Variants in C1QTNF3 observed in about 807,000 individuals in gnomAD.
C1QTNF3 encodes the protein complement C1q tumor necrosis factor-related protein 3.
Under a neutral mutation model 32.6 loss-of-function variants are expected in C1QTNF3, and 26 were observed. The observed-to-expected ratio is 0.80, with a 90% CI of 0.58 to 1.11. C1QTNF3 has a LOEUF of 1.11. C1QTNF3 is among the 50% of genes least tolerant of loss of function. C1QTNF3 has a pLI of 0.00. For synonymous variants in C1QTNF3, 155 were observed against 146.0 expected (o/e 1.06, Z -0.44); for missense variants, 362 against 398.2 (o/e 0.91, Z 0.77).
the C1QTNF3 span, among the ~76,000 whole-genome samples, chr5:34,051,608 T>G: frequency 3.9e-5 from 6 of 152,250 alleles, no homozygotes; most frequent in African/African-American, 1.2e-4. Flanking sequence ...CTGAAGGATT[T>G]AGAGAGCTGG....
chr5:34,080,273 C>G, the C1QTNF3 span, among the ~76,000 whole-genome samples: 2 of 151,752 alleles, frequency 1.3e-5, no homozygotes, highest in South Asian at 4.1e-4. Flanking sequence ...AAGTGATGCA[C>G]ATAACTCAGT....
the C1QTNF3 span, among the ~76,000 whole-genome samples, chr5:34,139,437 C>T: frequency 6.6e-6 from 1 of 152,036 alleles, no homozygotes; most frequent in African/African-American, 2.4e-5. Context: ...TTAGTAGAAT[C>T]CCTAAATTAC....
At chr5:34,140,894 T>G in the C1QTNF3 span, among the ~76,000 whole-genome samples, 2 of 152,166 alleles carry the variant, frequency 1.3e-5, no homozygotes, top group African/African-American at 4.8e-5. Flanking sequence ...ATATGTTGCT[T>G]GGGTCATAAT....
the C1QTNF3 span, among the ~76,000 whole-genome samples, chr5:34,061,417 G>C: frequency 3.9e-5 from 6 of 152,310 alleles, no homozygotes; most frequent in Middle Eastern, 3.4e-3. Flanking sequence ...CAGTGCCCCA[G>C]TAGGGACTCT....
Position 34,020,451 on chromosome 5 carries a change from C to T in C1QTNF3, c.*132G>A, listed in dbSNP as rs910401097. 1.9e-5 allele frequency: 20 copies of T among 1,057,414 alleles called. No homozygotes were observed. The highest frequency in any genetic ancestry group is 3.2e-4 in the Middle Eastern group (1 of 3,160). 65.5% of individuals were successfully genotyped at this position (1,057,414 alleles called of 1,614,324 possible). On this transcript the variant is annotated 3_prime_UTR_variant, in exon 6 of 6. Transcript: ENST00000382065. Reference sequence around the variant, plus strand: ...TCCAACATTATTGGTGTACCTGTAGCGTGAACAACATTGCAACCAATAATT... The same window carrying T: ...TCCAACATTATTGGTGTACCTGTAGTGTGAACAACATTGCAACCAATAATT...
In C1QTNF3 at chr5:34,028,810, G is replaced by A; in HGVS notation, c.644C>T (p.Thr215Ile). 1 of 1,612,508 alleles carries A rather than the reference G, an allele frequency of 6.2e-7. No individual in the cohort carries two copies. The highest frequency in any genetic ancestry group is 8.5e-7 in the Non-Finnish European group (1 of 1,179,146). ...GACATCAAAGAAGTTTCCAATGTTG[G>A]TCTCAACACTGCTGAAGATAATCCC... ...NSGIIFSSVETNIGNFFDVMT... is the reference protein window; with the variant it reads ...NSGIIFSSVEINIGNFFDVMT... The change falls in exon 4 of 6, where the codon ACC becomes ATC. Residue 215 changes from threonine to isoleucine, a missense_variant. Coordinates refer to ENST00000382065, the MANE Select transcript of C1QTNF3 (RefSeq NM_181435.6).
At chr5:34,176,560 T>C in the C1QTNF3 span, among the ~76,000 whole-genome samples, 1 of 152,116 alleles carries the variant, frequency 6.6e-6, no homozygotes, top group Non-Finnish European at 1.5e-5. Context: ...GCTGATACAG[T>C]CTTAAGGCTG....
chr5:34,051,888 G>T, the C1QTNF3 span, among the ~76,000 whole-genome samples: 1 of 152,168 alleles, frequency 6.6e-6, no homozygotes, highest in Non-Finnish European at 1.5e-5. Context: ...TTACTTTGGT[G>T]GCCATGTGTT....
chr5:34,140,608 T>A, the C1QTNF3 span, among the ~76,000 whole-genome samples: 5 of 152,222 alleles, frequency 3.3e-5, no homozygotes, highest in African/African-American at 1.2e-4. Flanking sequence ...TTAGGATGGA[T>A]AACTTTATTT....
chr5:34,040,057 A>G (rs540015069), intron 1 of C1QTNF3, among the ~76,000 whole-genome samples: 17 of 152,310 alleles, frequency 1.1e-4, no homozygotes, highest in Admixed American at 5.2e-4. Flanking sequence ...AGTTGAATGG[A>G]GCAATGCTTT....
chr5:34,079,031 T>C, the C1QTNF3 span, among the ~76,000 whole-genome samples: 1 of 151,588 alleles, frequency 6.6e-6, no homozygotes, highest in African/African-American at 2.4e-5. Context: ...TTCCCTACAT[T>C]TGCATATCAT....
the C1QTNF3 span, among the ~76,000 whole-genome samples, chr5:34,110,270 C>T: frequency 1.3e-5 from 2 of 150,270 alleles, no homozygotes; most frequent in Non-Finnish European, 3.0e-5. Context: ...CTGTGCACAT[C>T]TCTTTGGCTG....
At chr5:34,077,265 G>A in the C1QTNF3 span, among the ~76,000 whole-genome samples, 2 of 151,684 alleles carry the variant, frequency 1.3e-5, no homozygotes, top group East Asian at 3.9e-4. Context: ...AAGATCTTCA[G>A]GTTGTTAAAT....
upstream of C1QTNF3, chr5:34,043,462 T>A: frequency 3.7e-6 from 1 of 269,912 alleles, no homozygotes; most frequent in South Asian, 7.4e-5. Flanking sequence ...AGAGCATGTG[T>A]CCAGCAGTTT....
the C1QTNF3 span, among the ~76,000 whole-genome samples, chr5:34,154,739 G>C: frequency 7.2e-5 from 11 of 152,106 alleles, no homozygotes; most frequent in Non-Finnish European, 1.5e-4. Context: ...ACATGATAAA[G>C]AGAGAGAGAG....
At chr5:34,084,817 T>TTTTCA in the C1QTNF3 span, among the ~76,000 whole-genome samples, 18 of 112,678 alleles carry the variant, frequency 1.6e-4, no homozygotes, top group African/African-American at 7.3e-4. Context: ...TTGTTTTTTT[T>TTTTCA]CTGTGCAGAA....
chr5:34,070,738 C>T, the C1QTNF3 span, among the ~76,000 whole-genome samples: 6 of 151,894 alleles, frequency 4.0e-5, no homozygotes, highest in Non-Finnish European at 7.4e-5. Flanking sequence ...AAATGGGGAT[C>T]AGGCAGCATG....
intron 3 of C1QTNF3, among the ~76,000 whole-genome samples, chr5:34,031,203 G>A (rs188318871): frequency 5.6e-4 from 85 of 152,312 alleles, no homozygotes; most frequent in African/African-American, 1.9e-3. Context: ...CTGAGTGTAA[G>A]TTAGATTAAT....
chr5:34,083,542 C>A, the C1QTNF3 span, among the ~76,000 whole-genome samples: 1 of 149,630 alleles, frequency 6.7e-6, no homozygotes, highest in African/African-American at 2.5e-5. Flanking sequence ...TATATGAAAA[C>A]TAGATGATTT....
Sources: allele counts gnomAD v4.1 joint callset (sites outside exome capture counted in the v4.1 genomes callset), GRCh38; gene constraint gnomAD v4.1.1; transcripts MANE v1.5; gene names NCBI Gene and HGNC (gene_info 2026-07-23, HGNC 2026-07-21).